SNAP91: variants seen among roughly 807,000 people sequenced by gnomAD.
The protein encoded by SNAP91 is clathrin coat assembly protein AP180.
A neutral mutation model predicts 100.3 loss-of-function variants in SNAP91; 27 were observed. The ratio of observed to expected loss-of-function variants is 0.27; its 90% confidence interval spans 0.20 to 0.37. The LOEUF (loss-of-function observed/expected upper bound fraction) is 0.37. SNAP91 is among the 10% of genes least tolerant of loss of function. The pLI is 1.00. For synonymous variants in SNAP91, 404 were observed against 398.6 expected, an observed-to-expected ratio of 1.01 and a Z score of -0.16; for missense variants, 986 against 1,123.7, an observed-to-expected ratio of 0.88 and a Z score of 1.75.
intron 9 of SNAP91, among the ~76,000 whole-genome samples, chr6:83,619,848 G>A (rs2096643143): frequency 6.6e-6 from 1 of 151,910 alleles, no homozygotes; most frequent in Non-Finnish European, 1.5e-5. Context: ...ATCCATCTAC[G>A]ATTTAGATGC....
intron 7 of SNAP91, among the ~76,000 whole-genome samples, chr6:83,650,362 G>C (rs1419570481): frequency 6.6e-6 from 1 of 152,186 alleles, no homozygotes; most frequent in African/African-American, 2.4e-5. Context: ...CATAATACAA[G>C]ATACAGGCAG....
At chr6:83,698,205 C>T (rs1230739617) in intron 2 of SNAP91, among the ~76,000 whole-genome samples, 2 of 151,638 alleles carry the variant, frequency 1.3e-5, no homozygotes, top group Non-Finnish European at 2.9e-5. Flanking sequence ...TAGGCTGGTT[C>T]CACATCTAGC....
chr6:83,625,645 C>T (rs2096903080), intron 8 of SNAP91, among the ~76,000 whole-genome samples: 1 of 152,062 alleles, frequency 6.6e-6, no homozygotes, highest in Non-Finnish European at 1.5e-5. Flanking sequence ...TGATGCTAAG[C>T]ATTTTTTCAT....
intron 2 of SNAP91, among the ~76,000 whole-genome samples, chr6:83,690,989 C>T (rs2099123690): frequency 6.6e-6 from 1 of 151,974 alleles, no homozygotes; most frequent in Admixed American, 6.6e-5. Context: ...TGAAGTTTAA[C>T]TCAAAAATGG....
intron 5 of SNAP91, among the ~76,000 whole-genome samples, chr6:83,659,438 T>G (rs2098485840): frequency 6.6e-6 from 1 of 150,436 alleles, no homozygotes; most frequent in Non-Finnish European, 1.5e-5. Flanking sequence ...TTTTTTTTTT[T>G]TTTTTTGAGA....
chr6:83,659,663 C>T (rs2098496812), intron 5 of SNAP91, among the ~76,000 whole-genome samples: 1 of 151,950 alleles, frequency 6.6e-6, no homozygotes, highest in Non-Finnish European at 1.5e-5. Flanking sequence ...AACTCCTGAC[C>T]TCACAGAGTC....
intron 2 of SNAP91, among the ~76,000 whole-genome samples, chr6:83,698,259 A>G (rs141394371): frequency 6.6e-6 from 1 of 152,018 alleles, no homozygotes; most frequent in African/African-American, 2.4e-5. Flanking sequence ...TAACCTGGAT[A>G]AATATTACAG....
At chr6:83,669,976 C>T (rs898449264) in intron 2 of SNAP91, among the ~76,000 whole-genome samples, 14 of 151,884 alleles carry the variant, frequency 9.2e-5, no homozygotes, top group African/African-American at 2.9e-4. Flanking sequence ...TCTATTTATA[C>T]GGACATATGC....
At position 83,575,400 on chromosome 6, in the gene SNAP91, A is replaced by G. The variant is rs1467434318; in HGVS notation, c.2331-279T>C. The G allele has an allele frequency of 7.6e-5, 31 of 408,864 alleles. No homozygotes were observed. In the South Asian group the frequency reaches 7.8e-4, roughly 10 times the overall value. 25.3% of individuals were successfully genotyped at this position (408,864 alleles called of 1,614,324 possible). On this transcript the variant is annotated intron_variant, in intron 25 of 29. Coordinates refer to ENST00000369694, the MANE Select transcript of SNAP91 (RefSeq NM_001242792.2). ...AAGAAAAGTATGTCAGAAAAATCCA[A>G]CTGGATTCATTTGTTATTAAAAATG...
chr6:83,583,708 C>T (rs374056303), intron 22 of SNAP91, among the ~76,000 whole-genome samples: 47 of 152,266 alleles, frequency 3.1e-4, no homozygotes, highest in African/African-American at 1.1e-3. Flanking sequence ...CTCTTCTTCA[C>T]AAACTGCTTG....
chr6:83,591,261 G>A lies in SNAP91; in HGVS notation c.1964C>T (p.Pro655Leu). 1.2e-6 allele frequency: 2 copies of A among 1,612,996 alleles called. No homozygotes were observed. The highest frequency in any genetic ancestry group is 8.5e-7 in the Non-Finnish European group (1 of 1,179,114). Residue 655 changes from proline (P) to leucine (L), a missense_variant, in exon 22 of 30, where the codon CCT (proline) becomes CTT (leucine). By Grantham distance (98) the Pro-to-Leu change is moderately conservative. This residue lies in a region of SNAP91 where 575 missense variants were observed against 579.9 expected (regional missense o/e 0.99). Transcript: ENST00000369694. ...AFGSSASEPQ[P>L]ASQAASSSSA... The stretch of plus-strand genomic sequence containing the variant: ...TGAACTAGAAGCAGCCTGAGATGCA[G>A]GTTGGGGTTCAGAAGCACTACTTCC...
intron 24 of SNAP91, among the ~76,000 whole-genome samples, chr6:83,578,848 T>C (rs1414729154): frequency 6.6e-6 from 1 of 152,234 alleles, no homozygotes; most frequent in African/African-American, 2.4e-5. Context: ...TGTTTTCTTC[T>C]AAAAGTTGCG....
intron 17 of SNAP91, among the ~76,000 whole-genome samples, chr6:83,594,098 G>A (rs2094174550): frequency 6.6e-6 from 1 of 151,894 alleles, no homozygotes; most frequent in African/African-American, 2.4e-5. Context: ...TGAACTCAAT[G>A]TTACAAAAGA....
chr6:83,659,245 C>G (rs2098479153), intron 5 of SNAP91, among the ~76,000 whole-genome samples, 153 bp from the exon 6 acceptor site: 1 of 152,042 alleles, frequency 6.6e-6, no homozygotes, highest in Non-Finnish European at 1.5e-5. Context: ...AGTCATTTCC[C>G]CCCTCTATCT....
intron 26 of SNAP91, among the ~76,000 whole-genome samples, chr6:83,564,324 C>G (rs1793326188): frequency 6.8e-6 from 1 of 147,642 alleles, no homozygotes; most frequent in Admixed American, 6.9e-5. Context: ...TCCTTTCTTT[C>G]TTTCTCTTTT....
At chr6:83,636,810 A>G (rs1324493859) in intron 8 of SNAP91, among the ~76,000 whole-genome samples, 1 of 151,868 alleles carries the variant, frequency 6.6e-6, no homozygotes, top group Non-Finnish European at 1.5e-5. Context: ...TTCTTTGTCA[A>G]TTTGCTTTCA....
At chr6:83,617,946 A>G (rs2096567287) in intron 9 of SNAP91, among the ~76,000 whole-genome samples, 2 of 151,904 alleles carry the variant, frequency 1.3e-5, no homozygotes, top group South Asian at 4.1e-4. Flanking sequence ...GGTATATTTA[A>G]TTCTGACAAT....
At chr6:83,642,138 T>C (rs1271812115) in intron 7 of SNAP91, among the ~76,000 whole-genome samples, 1 of 148,502 alleles carries the variant, frequency 6.7e-6, no homozygotes, top group Admixed American at 6.8e-5. Context: ...CATTATTTTA[T>C]ATTTGCACAT....
chr6:83,708,723 TG>T lies in SNAP91; in HGVS notation c.-31+121del, dbSNP rs763051684. On this transcript the variant is annotated intron_variant, in intron 1 of 29. Transcript: ENST00000369694. ...GCGAAGCCCAGTCCCCCGCCCGCCC[TG>T]GAGCGCTCCGCGGAGCTGTCACTCG... 1.4e-3 allele frequency: 217 copies of T among 151,494 alleles called. 1 individual carries two copies. Among genetic ancestry groups the T allele is most frequent in the Non-Finnish European group, 2.6e-3 (175 of 68,090 alleles). The allele number at this position is 151,494 out of a possible 1,614,324, so 9.4% of individuals were successfully genotyped here. A position where few individuals can be genotyped will look rare whatever the true frequency, so the allele number is the denominator to read the frequency against.
Sources: allele counts gnomAD v4.1 joint callset (sites outside exome capture counted in the v4.1 genomes callset), GRCh38; gene constraint gnomAD v4.1.1; regional missense constraint gnomAD v4.1.1; transcripts MANE v1.5; gene names NCBI Gene and HGNC (gene_info 2026-07-23, HGNC 2026-07-21).